Variants in FLNB observed in about 807,000 individuals in gnomAD.
FLNB encodes the protein filamin B, also known as filamin-B.
A neutral mutation model predicts 250.6 loss-of-function variants in FLNB; 111 were observed. The ratio of observed to expected loss-of-function variants is 0.44; its 90% CI spans 0.38 to 0.52. The LOEUF (loss-of-function observed/expected upper bound fraction) is 0.52, where lower values mean the gene tolerates loss of function less well. Ranked by LOEUF, FLNB falls within the 20% of genes least tolerant of loss-of-function variation. The pLI is 0.00. For missense variants in FLNB, 2,869 were observed against 3,447.8 expected (o/e 0.83, Z 4.20); for synonymous variants, 1,302 against 1,372.1 (o/e 0.95, Z 1.13).
chr3:58,077,580 C>T (rs2097203454), intron 2 of FLNB, among the ~76,000 whole-genome samples: 1 of 152,168 alleles, frequency 6.6e-6, no homozygotes, highest in African/African-American at 2.4e-5. Context: ...GTTTAGGTTC[C>T]AGACTCCAAA....
rs77285652 is a variant in FLNB at position 58,153,675 on chromosome 3, G to A, written c.6634+34G>A. 9,134 of 1,612,436 alleles carry A rather than the reference G, an allele frequency of 5.7e-3. 423 individuals carry two copies. In the African/African-American group the frequency reaches 0.1, roughly 18 times the overall value. ...TGCGGGCAGGATTTTCACTTGGGAAGAATAGAGTTGAGCCCAGGCAGTGTG... is the reference window on the plus strand; with the variant it reads ...TGCGGGCAGGATTTTCACTTGGGAAAAATAGAGTTGAGCCCAGGCAGTGTG... On this transcript the variant is annotated intron_variant, in intron 39 of 45. Transcript: ENST00000295956.
intron 1 of FLNB, among the ~76,000 whole-genome samples, chr3:58,064,398 G>A (rs1284944695): frequency 6.6e-6 from 1 of 152,088 alleles, no homozygotes; most frequent in Non-Finnish European, 1.5e-5. Context: ...CTGATTTCAG[G>A]TGATCTACCT....
At chr3:58,103,352 G>C (rs918570097) in intron 9 of FLNB, among the ~76,000 whole-genome samples, 1 of 151,988 alleles carries the variant, frequency 6.6e-6, no homozygotes, top group African/African-American at 2.4e-5. Context: ...TCCTGACCTT[G>C]AATACTTGCT....
chr3:58,143,975 A>G (rs1298035953), intron 32 of FLNB, among the ~76,000 whole-genome samples: 1 of 152,198 alleles, frequency 6.6e-6, no homozygotes, highest in Non-Finnish European at 1.5e-5. Flanking sequence ...GGGCCAGGTC[A>G]GAGGTGGAAG....
intron 1 of FLNB, among the ~76,000 whole-genome samples, chr3:58,009,658 T>C (rs1182626114): frequency 1.3e-5 from 2 of 152,066 alleles, no homozygotes; most frequent in Non-Finnish European, 2.9e-5. Flanking sequence ...CTAGACCCAT[T>C]TTACAGATAA....
At chr3:58,041,774 C>T (rs1194106906) in intron 1 of FLNB, among the ~76,000 whole-genome samples, 1 of 152,120 alleles carries the variant, frequency 6.6e-6, no homozygotes, top group Admixed American at 6.5e-5. Flanking sequence ...CAAATCCTTC[C>T]TGGAACCCTG....
intron 38 of FLNB, 140 bp from the exon 39 acceptor site, chr3:58,153,235 T>G: frequency 1.0e-6 from 1 of 1,000,130 alleles, no homozygotes; most frequent in Non-Finnish European, 1.5e-6. Context: ...GCACCCAGCC[T>G]GAAGGGAAGG....
chr3:58,157,969 G>T (rs963556664), intron 41 of FLNB, among the ~76,000 whole-genome samples: 1 of 152,204 alleles, frequency 6.6e-6, no homozygotes, highest in African/African-American at 2.4e-5. Context: ...ATTTGATGCC[G>T]AGTGATATGT....
At chr3:58,126,492 G>C in intron 23 of FLNB, 110 bp from the exon 24 acceptor site, 1 of 960,140 alleles carries the variant, frequency 1.0e-6, no homozygotes, top group Non-Finnish European at 1.7e-6. Context: ...TAATTGAGTT[G>C]GGGTGGCTAC....
chr3:58,144,251 G>T (rs2097332063), intron 32 of FLNB, among the ~76,000 whole-genome samples: 1 of 152,034 alleles, frequency 6.6e-6, no homozygotes, highest in South Asian at 2.1e-4. Context: ...CAGAGTTTCA[G>T]GGTTTTATTT....
intron 1 of FLNB, among the ~76,000 whole-genome samples, chr3:58,044,220 T>C (rs1353147585): frequency 6.6e-6 from 1 of 152,118 alleles, no homozygotes; most frequent in Non-Finnish European, 1.5e-5. Flanking sequence ...AATGAAGTTG[T>C]GATGTTAGCT....
intron 18 of FLNB, among the ~76,000 whole-genome samples, chr3:58,114,573 A>G (rs559425496): frequency 1.3e-5 from 2 of 152,308 alleles, no homozygotes; most frequent in South Asian, 4.1e-4. Context: ...GCTGGATCAT[A>G]TGGAAATCTC....
intron 34 of FLNB, 72 bp from the exon 35 acceptor site, chr3:58,148,134 T>C: frequency 6.7e-7 from 1 of 1,485,342 alleles, no homozygotes; most frequent in East Asian, 2.3e-5. Flanking sequence ...GTGAACAGCA[T>C]ATGGCATGGC....
At chr3:58,160,231 C>T (rs999174418) in intron 42 of FLNB, among the ~76,000 whole-genome samples, 1 of 152,124 alleles carries the variant, frequency 6.6e-6, no homozygotes, top group African/African-American at 2.4e-5. Flanking sequence ...TCTCACTTTA[C>T]TCTAAAGGAA....
rs767949000 is a variant in FLNB at position 58,123,455 on chromosome 3, G to A, written c.3489G>A (p.Pro1163=). 19 of 1,606,418 alleles carry A rather than the reference G, an allele frequency of 1.2e-5. No individual in the cohort carries two copies. The highest frequency in any genetic ancestry group is 3.3e-4 in the Middle Eastern group (2 of 6,048). The change falls in exon 21 of 46, where the codon CCG becomes CCA. Residue 1163 remains proline (P), a synonymous_variant. Transcript: ENST00000295956. ...LLSVDCSEAG[P]GALGLEAVSD... ...GCGTCGACTGCTCGGAAGCGGGACC[G>A]GGGGCCCTGGGCCTGGAAGCTGTCT...
chr3:58,140,147 G>T (rs904028232), intron 29 of FLNB, among the ~76,000 whole-genome samples: 2 of 152,134 alleles, frequency 1.3e-5, no homozygotes, highest in Non-Finnish European at 2.9e-5. Flanking sequence ...GCTTTGGTTG[G>T]GTAGATTCCC....
chr3:58,068,182 G>C (rs748240001), intron 1 of FLNB, among the ~76,000 whole-genome samples: 2 of 152,250 alleles, frequency 1.3e-5, no homozygotes, highest in Non-Finnish European at 2.9e-5. Flanking sequence ...AGGGGAGGCT[G>C]ACTGACCATC....
At position 58,148,725 on chromosome 3, in the gene FLNB, C is replaced by T. The variant is rs372228376; in HGVS notation, c.5964C>T (p.Ser1988=). ...AAAATGGCAACCATGTGGCCAACAGCCCCGTGTCTATCATGGTGGTCCAGT... is the reference window on the plus strand; with the variant it reads ...AAAATGGCAACCATGTGGCCAACAGTCCCGTGTCTATCATGGTGGTCCAGT... ...IKKNGNHVAN[S]PVSIMVVQSE... The change falls in exon 36 of 46, where the codon AGC becomes AGT. Residue 1988 remains serine (S), a synonymous_variant. Transcript: ENST00000295956. The T allele has an allele frequency of 1.2e-6, 2 of 1,614,106 alleles. No individual in the cohort carries two copies. Among genetic ancestry groups the T allele is most frequent in the South Asian group, 1.1e-5 (1 of 91,078 alleles).
intron 4 of FLNB, among the ~76,000 whole-genome samples, chr3:58,094,309 C>T (rs950129239): frequency 6.6e-5 from 10 of 152,182 alleles, no homozygotes; most frequent in Non-Finnish European, 1.5e-4. Context: ...TTCAGGTGAT[C>T]CACCTGCCTC....
Sources: allele counts gnomAD v4.1 joint callset (sites outside exome capture counted in the v4.1 genomes callset), GRCh38; gene constraint gnomAD v4.1.1; transcripts MANE v1.5; gene names NCBI Gene and HGNC (gene_info 2026-07-23, HGNC 2026-07-21).